SPTBN2: variants seen among roughly 807,000 people sequenced by gnomAD.
SPTBN2 encodes spectrin beta, non-erythrocytic 2.
Under a neutral mutation model 284.2 loss-of-function variants are expected in SPTBN2, and 107 were observed. That is an observed-to-expected ratio of 0.38 (90% CI 0.32 to 0.44). The LOEUF (loss-of-function observed/expected upper bound fraction) is 0.44, where lower values mean the gene tolerates loss of function less well. Ranked by LOEUF, SPTBN2 falls within the 20% of genes least tolerant of loss-of-function variation. SPTBN2 has a pLI of 1.00. For missense variants in SPTBN2, 2,569 were observed against 3,287.1 expected, an observed-to-expected ratio of 0.78 and a Z score of 5.34; for synonymous variants, 1,289 against 1,354.8, an observed-to-expected ratio of 0.95 and a Z score of 1.07.
chr11:66,726,075 G>A (rs1419235355), intron 1 of SPTBN2, among the ~76,000 whole-genome samples: 2 of 152,174 alleles, frequency 1.3e-5, no homozygotes, highest in East Asian at 3.8e-4. Context: ...GACAAGGGCT[G>A]TCTTACTCGT....
chr11:66,690,126 T>A lies in SPTBN2; in HGVS notation c.5723A>T (p.Asp1908Val). Reference sequence around the variant, plus strand: ...GACAGCCTTGAAGAAGCGGAACTTGTCTGTGGTGTCCAGCAGCAGCTGCCG... The same window carrying A: ...GACAGCCTTGAAGAAGCGGAACTTGACTGTGGTGTCCAGCAGCAGCTGCCG... ...ARRQLLLDTT[D>V]KFRFFKAVRE... The change falls in exon 28 of 38, where the codon GAC becomes GTC. Residue 1908 changes from aspartate to valine, a missense_variant. Around this residue, in one of 6 missense-constraint regions of SPTBN2, gnomAD observed 1,130 missense variants for 1,317.3 expected, o/e 0.86. Coordinates refer to ENST00000533211, the MANE Select transcript of SPTBN2 (RefSeq NM_006946.4). The A allele has an allele frequency of 6.2e-7, 1 of 1,614,226 alleles. No homozygotes were observed. Among genetic ancestry groups the A allele is most frequent in the Non-Finnish European group, 8.5e-7 (1 of 1,180,046 alleles).
intron 36 of SPTBN2, 40 bp from the exon 37 acceptor site, chr11:66,686,480 C>CG: frequency 6.2e-7 from 1 of 1,611,718 alleles, no homozygotes; most frequent in East Asian, 2.2e-5. Flanking sequence ...GCTGAGAATC[C>CG]GGATCTGCCA....
chr11:66,700,081 C>A lies in SPTBN2; in HGVS notation c.3573+445G>T, dbSNP rs2135407414. ...AGTGATCCACCAGCCTCAGCCTCCC[C>A]AGTAGCTGGAGCTACAGGCATGCAC... On this transcript the variant is annotated intron_variant, in intron 17 of 37. Transcript: ENST00000533211. The surrounding 1 kb of genome is among the most constrained non-coding windows in gnomAD (Gnocchi z 6.6). 6.6e-6 allele frequency among the ~76,000 whole-genome samples: 1 copy of A among 152,002 alleles called. No homozygotes were observed. Among genetic ancestry groups the A allele is most frequent in the East Asian group, 1.9e-4 (1 of 5,178 alleles).
Position 66,721,210 on chromosome 11 carries a change from CAA to C in SPTBN2, c.29_30del (p.Phe10Ter). 1 of 1,614,182 alleles carries C rather than the reference CAA, an allele frequency of 6.2e-7. No homozygotes were observed. The highest frequency in any genetic ancestry group is 8.5e-7 in the Non-Finnish European group (1 of 1,180,034). On this transcript the variant is annotated frameshift_variant, in exon 3 of 38. Transcript: ENST00000533211. LOFTEE classifies it high-confidence loss of function. MSSTLSPTD[F>X]DSLEIQGQYS... is the part of the protein sequence containing the mutation. ...TACTGGCCCTGGATTTCCAAGCTGT[CAA>C]AGTCTGTGGGTGACAGCGTGCTGCT...
intron 3 of SPTBN2, among the ~76,000 whole-genome samples, chr11:66,717,072 A>T (rs1313648497): frequency 6.6e-6 from 1 of 152,170 alleles, no homozygotes; most frequent in African/African-American, 2.4e-5. Flanking sequence ...TGCTTAGAAG[A>T]ACAAGATGTT....
At position 66,705,416 on chromosome 11, in the gene SPTBN2, C is replaced by T; in HGVS notation, c.1860G>A (p.Glu620=). ...ACTCGCACAGTGCCTCATAGCTCTG[C>T]TCTAGCTTGGCCACCCGCTCCGACA... ...QLVSERVAKL[E]QSYEALCELA... The change falls in exon 15 of 38, where the codon GAG becomes GAA. Residue 620 remains glutamate, a synonymous_variant. Coordinates refer to ENST00000533211, the MANE Select transcript of SPTBN2 (RefSeq NM_006946.4). 1 of 1,613,062 alleles carries T rather than the reference C, an allele frequency of 6.2e-7. No homozygotes were observed. The highest frequency in any genetic ancestry group is 1.1e-5 in the South Asian group (1 of 91,088).
At chr11:66,720,311 G>A (rs2135554241) in intron 3 of SPTBN2, among the ~76,000 whole-genome samples, 1 of 152,338 alleles carries the variant, frequency 6.6e-6, no homozygotes, top group East Asian at 1.9e-4. Flanking sequence ...AATGACAAGA[G>A]TGGGATGGAG....
At chr11:66,692,036 T>G (rs372672234) in intron 26 of SPTBN2, among the ~76,000 whole-genome samples, 3 of 152,284 alleles carry the variant, frequency 2.0e-5, no homozygotes, top group African/African-American at 7.2e-5. Context: ...CTGTTTGCCC[T>G]TGTCTCAGCT....
At chr11:66,695,918 G>T (rs1164557398) in intron 21 of SPTBN2, among the ~76,000 whole-genome samples, 1 of 152,026 alleles carries the variant, frequency 6.6e-6, no homozygotes, top group Admixed American at 6.5e-5. Context: ...TGTATTTTTA[G>T]TAGAGACGGG....
In SPTBN2 at chr11:66,710,508, G is replaced by A; in HGVS notation, c.1073+74C>T. The A allele has an allele frequency of 6.6e-7, 1 of 1,511,472 alleles. No homozygotes were observed. 93.6% of individuals were successfully genotyped at this position (1,511,472 alleles called of 1,614,324 possible). A position where few individuals can be genotyped will look rare whatever the true frequency, so the allele number is the denominator to read the frequency against. On this transcript the variant is annotated intron_variant, in intron 10 of 37. Coordinates refer to ENST00000533211, the MANE Select transcript of SPTBN2 (RefSeq NM_006946.4). This position sits in a 1 kb window ranked among gnomAD's most constrained non-coding sequence, Gnocchi z 4.9. Reference sequence around the variant, plus strand: ...TATGTACTGCCAAATTTCCCTCCCTGAAGGCTGTGCTAATTTAGGCTTCCT... The same window carrying A: ...TATGTACTGCCAAATTTCCCTCCCTAAAGGCTGTGCTAATTTAGGCTTCCT...
rs55950324 is a variant in SPTBN2 at position 66,683,063 on chromosome 11, ATTTTTTTTT to A, written c.*2799_*2807del. ...ACCACCATGCCTGGCCAAGTAATCC[ATTTTTTTTT>A]TTTTTTTTTTTTTGAGATGGAGTCT... On this transcript the variant is annotated 3_prime_UTR_variant, in exon 38 of 38. Transcript: ENST00000533211. Among the ~76,000 whole-genome samples the A allele has an allele frequency of 1.5e-4, 14 of 95,730 alleles. No individual in the cohort carries two copies. In the Admixed American group the frequency reaches 1.6e-3, roughly 11 times the overall value. The allele number at this position is 95,730 out of a possible 152,430, so 62.8% of individuals were successfully genotyped here.
chr11:66,701,300 G>T lies in SPTBN2; in HGVS notation c.2817-18C>A. On this transcript the variant is annotated intron_variant, in intron 16 of 37. Transcript: ENST00000533211. ...GCTGCCACCTGAGAGCAGGGGGAAGGTTCAGCTTCCTGCCCTGGCCAGGCC... is the reference window on the plus strand; with the variant it reads ...GCTGCCACCTGAGAGCAGGGGGAAGTTTCAGCTTCCTGCCCTGGCCAGGCC... 3 of 1,610,486 alleles carry T rather than the reference G, an allele frequency of 1.9e-6. No homozygotes were observed. Among genetic ancestry groups the T allele is most frequent in the Non-Finnish European group, 1.7e-6 (2 of 1,179,956 alleles).
chr11:66,686,436 G>A lies in SPTBN2; in HGVS notation c.6901C>T (p.Gln2301Ter). The change falls in exon 37 of 38, where the codon CAG (glutamine) becomes TAG (stop). Residue 2301 changes from glutamine (Q) to a stop codon, truncating the protein, a stop_gained. Coordinates refer to ENST00000533211, the MANE Select transcript of SPTBN2 (RefSeq NM_006946.4). LOFTEE classifies it high-confidence loss of function. ...KRKHVFKLGLQDGKEYLFQAK... is the reference protein window; with the variant it reads ...KRKHVFKLGL ...TGGAATAAATATTCTTTTCCATCCT[G>A]TAAGCTGTTGGGAGAGAGAGGCCAC... The A allele has an allele frequency of 6.2e-7, 1 of 1,613,994 alleles. No individual in the cohort carries two copies. The highest frequency in any genetic ancestry group is 8.5e-7 in the Non-Finnish European group (1 of 1,179,894).
chr11:66,715,493 T>C lies in SPTBN2; in HGVS notation c.310-98A>G, dbSNP rs1942096309. ...AGCTTTGCACACCTTCCCCATGACCTACCTCAGGAACACAGACAGGCACAG... is the reference window on the plus strand; with the variant it reads ...AGCTTTGCACACCTTCCCCATGACCCACCTCAGGAACACAGACAGGCACAG... On this transcript the variant is annotated intron_variant, in intron 4 of 37. Transcript: ENST00000533211. This position sits in a 1 kb window ranked among gnomAD's most constrained non-coding sequence, Gnocchi z 5.3. The C allele has an allele frequency of 1.4e-6, 2 of 1,464,680 alleles. No individual in the cohort carries two copies. Among genetic ancestry groups the C allele is most frequent in the African/African-American group, 2.8e-5 (2 of 71,278 alleles). The allele number at this position is 1,464,680 out of a possible 1,614,324, so 90.7% of individuals were successfully genotyped here.
At chr11:66,719,874 G>A (rs1401011847) in intron 3 of SPTBN2, among the ~76,000 whole-genome samples, 1 of 152,142 alleles carries the variant, frequency 6.6e-6, no homozygotes, top group African/African-American at 2.4e-5. Flanking sequence ...TGTCTTCTCT[G>A]ATGTATAGAC....
chr11:66,722,575 C>CAAAAAA, intron 1 of SPTBN2, among the ~76,000 whole-genome samples: 1 of 50,982 alleles, frequency 2.0e-5, no homozygotes, highest in Non-Finnish European at 3.5e-5. Context: ...GACTCTGTCT[C>CAAAAAA]AAAAAAAAAA....
At position 66,688,162 on chromosome 11, in the gene SPTBN2, C is replaced by T. The variant is rs373088724; in HGVS notation, c.6374+7G>A. The T allele has an allele frequency of 7.9e-5, 127 of 1,613,394 alleles. No homozygotes were observed. Among genetic ancestry groups the T allele is most frequent in the Non-Finnish European group, 1.0e-4 (123 of 1,180,026 alleles). On this transcript the variant is annotated splice_region_variant and intron_variant, in intron 32 of 37. Coordinates refer to ENST00000533211, the MANE Select transcript of SPTBN2 (RefSeq NM_006946.4). ...GCCTCCTCCTACCCAGGCATCCTGG[C>T]TCTCACCCGTCCCAGGTGGTGTCAG...
At position 66,713,882 on chromosome 11, in the gene SPTBN2, T is replaced by A. The variant is rs1590966505; in HGVS notation, c.657-136A>T. The A allele has an allele frequency of 5.7e-6, 5 of 874,530 alleles. No individual in the cohort carries two copies. The East Asian group carries it at 1.3e-4, about 22-fold the overall frequency. The allele number at this position is 874,530 out of a possible 1,614,324, so 54.2% of individuals were successfully genotyped here. ...AGTAGGCATCCCAAACCCACACTGC[T>A]GCTCACAGCCCCTCCCCACACCACC... On this transcript the variant is annotated intron_variant, in intron 7 of 37. Transcript: ENST00000533211.
Position 66,707,674 on chromosome 11 carries a change from TGTC to T in SPTBN2, c.1492_1494del (p.Asp498del). The T allele has an allele frequency of 6.2e-7, 1 of 1,607,002 alleles. No individual in the cohort carries two copies. Among genetic ancestry groups the T allele is most frequent in the Non-Finnish European group, 8.5e-7 (1 of 1,179,712 alleles). On this transcript the variant is annotated inframe_deletion, in exon 13 of 38. Coordinates refer to ENST00000533211, the MANE Select transcript of SPTBN2 (RefSeq NM_006946.4). This position sits in a 1 kb window ranked among gnomAD's most constrained non-coding sequence, Gnocchi z 4.9. ...TGCTGCCGAGCGGCGATGCGCTTGA[TGTC>T]GTGGTAGCGCTCGGCGGCCAGCTCT...
Sources: allele counts gnomAD v4.1 joint callset (sites outside exome capture counted in the v4.1 genomes callset), GRCh38; gene constraint gnomAD v4.1.1; regional missense constraint gnomAD v4.1.1; non-coding constraint Gnocchi (gnomAD v3.1); transcripts MANE v1.5; gene names NCBI Gene and HGNC (gene_info 2026-07-23, HGNC 2026-07-21).